TBC1D22A: variants seen among roughly 807,000 people sequenced by gnomAD.
TBC1D22A encodes putative GTPase activator.
A neutral mutation model predicts 60.2 loss-of-function variants in TBC1D22A; 38 were observed. The observed-to-expected ratio is 0.63, with a 90% CI of 0.49 to 0.83. TBC1D22A has a LOEUF of 0.83. Ranked by LOEUF, TBC1D22A falls within the 40% of genes least tolerant of loss-of-function variation. TBC1D22A has a pLI of 0.00. For synonymous variants in TBC1D22A, 302 were observed against 281.7 expected, an observed-to-expected ratio of 1.07 and a Z score of -0.72; for missense variants, 628 against 701.0, an observed-to-expected ratio of 0.90 and a Z score of 1.18.
At chr22:46,905,568 T>A (rs975299939) in intron 7 of TBC1D22A, among the ~76,000 whole-genome samples, 1 of 152,156 alleles carries the variant, frequency 6.6e-6, no homozygotes, top group African/African-American at 2.4e-5. Context: ...GGGTGGCCGC[T>A]GGAAGAGAAG....
chr22:47,096,452 A>G (rs2065175733), intron 11 of TBC1D22A, among the ~76,000 whole-genome samples: 1 of 152,232 alleles, frequency 6.6e-6, no homozygotes, highest in South Asian at 2.1e-4. Context: ...TGTGATTGAG[A>G]AATCTTAATT....
chr22:46,953,128 AT>A (rs1195287288), intron 8 of TBC1D22A, among the ~76,000 whole-genome samples: 1 of 146,064 alleles, frequency 6.8e-6, no homozygotes, highest in African/African-American at 2.8e-5. Flanking sequence ...ATTATTTGGA[AT>A]TTTTTTGCAT....
intron 12 of TBC1D22A, among the ~76,000 whole-genome samples, chr22:47,112,045 CATT>C (rs1012461960): frequency 1.3e-5 from 2 of 152,230 alleles, no homozygotes; most frequent in African/African-American, 2.4e-5. Context: ...ACTGGGGGCA[CATT>C]GTTCAGCCTC....
chr22:46,974,217 C>T lies in TBC1D22A; in HGVS notation c.1016-73C>T, dbSNP rs367969658. ...GGATGCAGGCTCAGCTCTGTTCCTC[C>T]GTGGGCCCCCTCGTGGGTCGAGGTC... On this transcript the variant is annotated intron_variant, in intron 8 of 12. Transcript: ENST00000337137. 83 of 1,287,338 alleles carry T rather than the reference C, an allele frequency of 6.4e-5. No homozygotes were observed. In the Admixed American group the frequency reaches 1.2e-3, roughly 19 times the overall value. The allele number at this position is 1,287,338 out of a possible 1,614,324, so 79.7% of individuals were successfully genotyped here. A position where few individuals can be genotyped will look rare whatever the true frequency, so the allele number is the denominator to read the frequency against.
intron 8 of TBC1D22A, among the ~76,000 whole-genome samples, chr22:46,958,658 C>T (rs989710808): frequency 2.0e-5 from 3 of 152,198 alleles, no homozygotes; most frequent in East Asian, 3.9e-4. Flanking sequence ...TAGCCCTGTG[C>T]CCAGCGTCGG....
chr22:46,930,198 G>A (rs115602276), intron 8 of TBC1D22A, among the ~76,000 whole-genome samples: 2,076 of 152,202 alleles, frequency 0.014, 58 homozygotes, highest in African/African-American at 0.048. Context: ...ATCAGACCAC[G>A]CCGGCCTGCA....
intron 4 of TBC1D22A, among the ~76,000 whole-genome samples, chr22:46,834,301 T>C (rs1442888210): frequency 6.6e-6 from 1 of 152,150 alleles, no homozygotes; most frequent in Non-Finnish European, 1.5e-5. Context: ...AATACTGATT[T>C]TGACAAATGC....
intron 10 of TBC1D22A, among the ~76,000 whole-genome samples, chr22:46,999,942 G>A (rs535357266): frequency 9.2e-5 from 14 of 152,250 alleles, no homozygotes; most frequent in African/African-American, 2.9e-4. Context: ...GAAGACTGGC[G>A]TGAACCCGGG....
chr22:47,019,633 C>A (rs2062014486), intron 10 of TBC1D22A, among the ~76,000 whole-genome samples: 1 of 151,570 alleles, frequency 6.6e-6, no homozygotes, highest in African/African-American at 2.4e-5. Context: ...TGATATGGGG[C>A]ATGTGGGATA....
intron 12 of TBC1D22A, among the ~76,000 whole-genome samples, chr22:47,153,177 A>G (rs945410078): frequency 2.6e-5 from 4 of 152,136 alleles, no homozygotes; most frequent in African/African-American, 9.7e-5. Context: ...CAGCAGGAGG[A>G]TAAAAGGCAC....
intron 1 of TBC1D22A, among the ~76,000 whole-genome samples, chr22:46,770,902 T>C (rs1049122028): frequency 2.0e-5 from 3 of 152,188 alleles, no homozygotes; most frequent in African/African-American, 4.8e-5. Flanking sequence ...TCCCCGCCAG[T>C]TGGGTTTCTC....
At chr22:46,766,757 C>T (rs991610344) in intron 1 of TBC1D22A, among the ~76,000 whole-genome samples, 3 of 152,040 alleles carry the variant, frequency 2.0e-5, no homozygotes, top group Non-Finnish European at 4.4e-5. Flanking sequence ...TGGATGGTCT[C>T]GATCTCTTGA....
At chr22:46,982,860 G>A (rs746785919) in intron 9 of TBC1D22A, among the ~76,000 whole-genome samples, 1 of 152,186 alleles carries the variant, frequency 6.6e-6, no homozygotes, top group South Asian at 2.1e-4. Flanking sequence ...GCCCAGTGTG[G>A]AGCGGTGGCA....
chr22:46,988,902 CT>C (rs1199328536), intron 9 of TBC1D22A, among the ~76,000 whole-genome samples: 3 of 152,242 alleles, frequency 2.0e-5, no homozygotes, highest in African/African-American at 4.8e-5. Flanking sequence ...TAGATGGTGT[CT>C]TCTTCCAGTA....
At chr22:47,047,976 ACCATGTGG>A (rs1194878674) in intron 11 of TBC1D22A, among the ~76,000 whole-genome samples, 1 of 152,168 alleles carries the variant, frequency 6.6e-6, no homozygotes, top group Non-Finnish European at 1.5e-5. Flanking sequence ...CTTTCCCCAG[ACCATGTGG>A]CTGGATGTCA....
intron 10 of TBC1D22A, among the ~76,000 whole-genome samples, chr22:47,024,893 A>G (rs1164296451): frequency 6.6e-6 from 1 of 152,214 alleles, no homozygotes; most frequent in African/African-American, 2.4e-5. Context: ...AATATGAAGA[A>G]GCAAATAGTT....
chr22:46,908,552 T>C (rs1314612801), intron 7 of TBC1D22A, among the ~76,000 whole-genome samples: 1 of 152,194 alleles, frequency 6.6e-6, no homozygotes, highest in Non-Finnish European at 1.5e-5. Context: ...TCTGAAGAAT[T>C]TGGACTGACT....
chr22:47,070,621 T>C (rs1277098444), intron 11 of TBC1D22A, among the ~76,000 whole-genome samples: 1 of 150,232 alleles, frequency 6.7e-6, no homozygotes, highest in Non-Finnish European at 1.5e-5. Context: ...TGTCCCCTGT[T>C]GTTTGGCTGG....
At chr22:47,005,502 C>T (rs754300461) in intron 10 of TBC1D22A, among the ~76,000 whole-genome samples, 1 of 151,562 alleles carries the variant, frequency 6.6e-6, no homozygotes, top group East Asian at 1.9e-4. Flanking sequence ...CTAGACATAC[C>T]TACCTGCCTG....
Sources: allele counts gnomAD v4.1 joint callset (sites outside exome capture counted in the v4.1 genomes callset), GRCh38; gene constraint gnomAD v4.1.1; transcripts MANE v1.5; gene names NCBI Gene and HGNC (gene_info 2026-07-23, HGNC 2026-07-21).